DGKI: variants seen among roughly 807,000 people sequenced by gnomAD.
DGKI encodes diacylglycerol kinase iota.
Under a neutral mutation model 147.5 loss-of-function variants are expected in DGKI, and 55 were observed. The ratio of observed to expected loss-of-function variants is 0.37; its 90% CI spans 0.30 to 0.47. DGKI has a LOEUF of 0.47. Among genes scored for constraint, DGKI ranks in the 20% least tolerant of loss-of-function variants. The pLI is 1.00. For missense variants in DGKI, 1,007 were observed against 1,323.8 expected (o/e 0.76, Z 3.71); for synonymous variants, 469 against 477.1 (o/e 0.98, Z 0.22).
chr7:137,726,285 C>G (rs1470931773), intron 1 of DGKI, among the ~76,000 whole-genome samples: 1 of 152,226 alleles, frequency 6.6e-6, no homozygotes, highest in Non-Finnish European at 1.5e-5. Context: ...CCATTCACTG[C>G]ATCCCCTCTG....
chr7:137,653,147 C>T (rs562599847), intron 5 of DGKI, among the ~76,000 whole-genome samples: 153 of 152,238 alleles, frequency 1.0e-3, no homozygotes, highest in African/African-American at 3.1e-3. Flanking sequence ...TGTGTGTGCG[C>T]GCGCGTGCGC....
chr7:137,804,654 C>G (rs569132484), intron 1 of DGKI, among the ~76,000 whole-genome samples: 1 of 152,092 alleles, frequency 6.6e-6, no homozygotes, highest in South Asian at 2.1e-4. Context: ...GCACTCCTCT[C>G]GATAACAAGC....
intron 5 of DGKI, among the ~76,000 whole-genome samples, chr7:137,649,648 G>A (rs530265078): frequency 3.9e-5 from 6 of 151,930 alleles, no homozygotes; most frequent in South Asian, 4.2e-4. Flanking sequence ...ATTGGGTTCG[G>A]TAAATACTGC....
intron 20 of DGKI, among the ~76,000 whole-genome samples, chr7:137,530,420 C>A (rs1817300578): frequency 6.6e-6 from 1 of 152,140 alleles, no homozygotes; most frequent in African/African-American, 2.4e-5. Flanking sequence ...AAGTTAATAT[C>A]ATCTTGCACC....
intron 11 of DGKI, among the ~76,000 whole-genome samples, chr7:137,599,128 T>A (rs1177036915): frequency 6.6e-6 from 1 of 152,292 alleles, no homozygotes; most frequent in East Asian, 1.9e-4. Flanking sequence ...ACTATCCTAG[T>A]ACATGAATTT....
In DGKI at chr7:137,698,632, T is replaced by C. The variant is rs561628002; in HGVS notation, c.402-8630A>G. Among the ~76,000 whole-genome samples the C allele has an allele frequency of 2.0e-4, 30 of 152,188 alleles. 1 individual carries two copies. The highest frequency in any genetic ancestry group is 7.2e-4 in the African/African-American group (30 of 41,528). On this transcript the variant is annotated intron_variant, in intron 1 of 32. Coordinates refer to ENST00000614521, the MANE Select transcript of DGKI (RefSeq NM_001321708.2). ...CAGCAGCCAACACTCCCAGCAGCGG[T>C]GAAATGAGTACCTTGGTTCTGAGAA... is the stretch of plus-strand genomic sequence containing the variant.
At chr7:137,815,232 G>C (rs2117014066) in intron 1 of DGKI, among the ~76,000 whole-genome samples, 1 of 152,186 alleles carries the variant, frequency 6.6e-6, no homozygotes, top group East Asian at 1.9e-4. Context: ...AAGACACCAT[G>C]TGCCACCCGA....
chr7:137,601,222 A>G lies in DGKI; in HGVS notation c.1168-1317T>C, dbSNP rs1188321811. ...GGAGGCGGAGCTTGCAGTGAGCCGA[A>G]ATAGCGCCACTACACTTCGGCCTGG... is the stretch of plus-strand genomic sequence containing the variant. On this transcript the variant is annotated intron_variant, in intron 10 of 32. Transcript: ENST00000614521. 2.6e-5 allele frequency among the ~76,000 whole-genome samples: 4 copies of G among 151,998 alleles called. No individual in the cohort carries two copies. The East Asian group carries it at 5.8e-4, about 22-fold the overall frequency.
chr7:137,638,480 A>G (rs1207232095), intron 6 of DGKI, among the ~76,000 whole-genome samples: 1 of 121,616 alleles, frequency 8.2e-6, no homozygotes, highest in African/African-American at 3.3e-5. Flanking sequence ...ATATGTGTGT[A>G]TATATATACA....
At chr7:137,829,199 A>C (rs1798150169) in intron 1 of DGKI, among the ~76,000 whole-genome samples, 1 of 152,166 alleles carries the variant, frequency 6.6e-6, no homozygotes, top group Non-Finnish European at 1.5e-5. Context: ...GAGAAGACAA[A>C]CTCTCTGTCT....
chr7:137,797,088 C>T (rs965322402), intron 1 of DGKI, among the ~76,000 whole-genome samples: 8 of 152,116 alleles, frequency 5.3e-5, no homozygotes, highest in African/African-American at 1.7e-4. Flanking sequence ...CAGCAATCTT[C>T]AATAACACTA....
intron 1 of DGKI, among the ~76,000 whole-genome samples, chr7:137,699,980 A>G (rs1823920613): frequency 6.6e-6 from 1 of 152,224 alleles, no homozygotes; most frequent in Admixed American, 6.5e-5. Context: ...GAGTCAAATG[A>G]CATTCAAAGT....
intron 21 of DGKI, among the ~76,000 whole-genome samples, chr7:137,505,623 C>T (rs1411092390): frequency 6.7e-6 from 1 of 148,998 alleles, no homozygotes; most frequent in Non-Finnish European, 1.5e-5. Context: ...AATTTGTGCA[C>T]TTTGACAGTA....
chr7:137,682,339 G>A (rs1464218629), intron 2 of DGKI, among the ~76,000 whole-genome samples: 1 of 152,048 alleles, frequency 6.6e-6, no homozygotes, highest in East Asian at 1.9e-4. Flanking sequence ...GTGAGCTTTG[G>A]AGTCAGACTT....
At chr7:137,711,558 G>A (rs921983675) in intron 1 of DGKI, among the ~76,000 whole-genome samples, 2 of 151,946 alleles carry the variant, frequency 1.3e-5, no homozygotes, top group African/African-American at 4.8e-5. Context: ...GCTATACTAT[G>A]TATTCTTGAC....
At chr7:137,766,640 C>T (rs1796022458) in intron 1 of DGKI, among the ~76,000 whole-genome samples, 2 of 152,158 alleles carry the variant, frequency 1.3e-5, no homozygotes, top group Non-Finnish European at 2.9e-5. Flanking sequence ...TTCCCTCCTT[C>T]CCACTCAGCA....
At position 137,395,771 on chromosome 7, in the gene DGKI, T is replaced by C. The variant is rs906530169; in HGVS notation, c.2958-74A>G. 65 of 1,381,346 alleles carry C rather than the reference T, an allele frequency of 4.7e-5. No individual in the cohort carries two copies. The Admixed American group carries it at 1.1e-3, about 23-fold the overall frequency. The allele number at this position is 1,381,346 out of a possible 1,614,324, so 85.6% of individuals were successfully genotyped here. ...GCAGGGAATGGGTGAGGGGAGCTGA[T>C]GTAGGGTGCTCCTCAGCCTCCTTCC... is the stretch of plus-strand genomic sequence containing the variant. On this transcript the variant is annotated intron_variant, in intron 31 of 32. Coordinates refer to ENST00000614521, the MANE Select transcript of DGKI (RefSeq NM_001321708.2).
At chr7:137,523,451 T>A (rs73449422) in intron 20 of DGKI, among the ~76,000 whole-genome samples, 42 of 151,076 alleles carry the variant, frequency 2.8e-4, no homozygotes, top group East Asian at 9.8e-4. Flanking sequence ...TCTCTCTCTC[T>A]CACACACACA....
intron 5 of DGKI, among the ~76,000 whole-genome samples, chr7:137,648,005 C>G (rs529688596): frequency 2.0e-3 from 311 of 152,260 alleles, no homozygotes; most frequent in Admixed American, 5.2e-3. Context: ...TGTGCCCTTA[C>G]CATTGTGTCA....
Sources: gnomAD v4.1 joint callset for allele counts (sites outside exome capture counted in the v4.1 genomes callset) on GRCh38, gnomAD v4.1.1 for gene constraint, MANE v1.5 for transcripts, NCBI Gene and HGNC (gene_info 2026-07-23, HGNC 2026-07-21) for gene names.